The following LGR6 variants were observed in gnomAD, a reference collection of about 807,000 sequenced individuals.
The protein encoded by LGR6 is leucine rich repeat containing G protein-coupled receptor 6.
Under a neutral mutation model 69.4 loss-of-function variants are expected in LGR6, and 45 were observed. That is an observed-to-expected ratio of 0.65 (90% CI 0.51 to 0.83). LGR6 has a LOEUF of 0.83. LGR6 is among the 40% of genes least tolerant of loss of function. The pLI is 0.00. For missense variants in LGR6, 1,108 were observed against 1,246.7 expected, an observed-to-expected ratio of 0.89 and a Z score of 1.68; for synonymous variants, 538 against 555.0, an observed-to-expected ratio of 0.97 and a Z score of 0.43.
At chr1:202,310,596 A>G (rs1051164095) in intron 16 of LGR6, among the ~76,000 whole-genome samples, 1 of 152,100 alleles carries the variant, frequency 6.6e-6, no homozygotes, top group Non-Finnish European at 1.5e-5. Flanking sequence ...GGCTGTGGCA[A>G]TGTCTCATCT....
chr1:202,205,048 C>T (rs1288190784), intron 1 of LGR6, among the ~76,000 whole-genome samples: 1 of 111,670 alleles, frequency 9.0e-6, no homozygotes, highest in Non-Finnish European at 1.9e-5. Context: ...ACACACACAC[C>T]TCCAAACACA....
At chr1:202,289,740 A>T (rs934088005) in intron 6 of LGR6, among the ~76,000 whole-genome samples, 1 of 152,134 alleles carries the variant, frequency 6.6e-6, no homozygotes, top group Non-Finnish European at 1.5e-5. Flanking sequence ...CATATTTAGG[A>T]CAGAGGCTCT....
At chr1:202,314,578 A>G (rs1653996250) in intron 16 of LGR6, among the ~76,000 whole-genome samples, 1 of 152,326 alleles carries the variant, frequency 6.6e-6, no homozygotes, top group Non-Finnish European at 1.5e-5. Flanking sequence ...TCTAGGTGAA[A>G]TGTTTGCTGT....
rs563509318 is a variant in LGR6, at chr1:202,265,989, A to G, written c.429-10317A>G. The stretch of plus-strand genomic sequence containing the variant: ...CCCACCTCTATCGACCATCTTTCCC[A>G]GCTCCTCATCTCTCTGGTCCAAAGC... On this transcript the variant is annotated intron_variant, in intron 4 of 17. Transcript: ENST00000367278. Among the ~76,000 whole-genome samples, 10 of 152,222 alleles carry G rather than the reference A, an allele frequency of 6.6e-5. No individual in the cohort carries two copies. The South Asian group carries it at 2.1e-3, about 32-fold the overall frequency.
At chr1:202,234,786 C>G (rs373671599) in intron 3 of LGR6, among the ~76,000 whole-genome samples, 1 of 152,190 alleles carries the variant, frequency 6.6e-6, no homozygotes, top group African/African-American at 2.4e-5. Flanking sequence ...AATTGGGCTA[C>G]TCTTCCTGAA....
chr1:202,304,351 C>T (rs886250262), intron 10 of LGR6, among the ~76,000 whole-genome samples: 8 of 152,176 alleles, frequency 5.3e-5, no homozygotes, highest in Non-Finnish European at 1.0e-4. Context: ...CCCAGCTCCT[C>T]TAGGCCCAAG....
intron 16 of LGR6, 124 bp from the exon 17 acceptor site, chr1:202,314,678 C>G: frequency 1.4e-6 from 1 of 695,666 alleles, no homozygotes; most frequent in Non-Finnish European, 2.6e-6. Context: ...TGCCGGGTTG[C>G]TAGAATGAAC....
intron 8 of LGR6, 59 bp from the exon 9 acceptor site, chr1:202,301,105 T>C: frequency 6.6e-7 from 1 of 1,523,276 alleles, no homozygotes; most frequent in Non-Finnish European, 9.1e-7. Context: ...GAGATTGGCC[T>C]TAATCCCAGC....
intron 4 of LGR6, among the ~76,000 whole-genome samples, chr1:202,257,187 C>T (rs1472877778): frequency 6.6e-6 from 1 of 151,366 alleles, no homozygotes; most frequent in African/African-American, 2.4e-5. Flanking sequence ...TTATCATATC[C>T]TTTGACATAA....
chr1:202,319,050 A>G lies in LGR6; in HGVS notation c.2747A>G (p.His916Arg), dbSNP rs56400751. The change falls in exon 18 of 18, where the codon CAT (histidine) becomes CGT (arginine). Residue 916 changes from histidine to arginine, a missense_variant. Physicochemically the swap from His to Arg is conservative, Grantham distance 29 (BLOSUM62 0). Transcript: ENST00000367278. ...QPGAPRLEGS[H>R]CVEPEGNHFG... is the part of the protein sequence containing the mutation. The stretch of plus-strand genomic sequence containing the variant: ...GGGGCCCCCAGGCTGGAGGGCAGCC[A>G]TTGTGTAGAGCCAGAGGGGAACCAC... 16 of 1,614,130 alleles carry G rather than the reference A, an allele frequency of 9.9e-6. No individual in the cohort carries two copies. In the East Asian group the frequency reaches 1.3e-4, roughly 13 times the overall value.
At chr1:202,310,084 G>A in intron 15 of LGR6, 113 bp from the exon 16 acceptor site, 1 of 1,071,376 alleles carries the variant, frequency 9.3e-7, no homozygotes, top group Non-Finnish European at 1.4e-6. Flanking sequence ...CTTGGGAGTT[G>A]AAGGACAGAC....
chr1:202,203,739 C>A, intron 1 of LGR6: 3 of 1,501,530 alleles, frequency 2.0e-6, no homozygotes, highest in Non-Finnish European at 1.9e-6. Flanking sequence ...GAGGAGGGAA[C>A]GCTTGTGTCT....
chr1:202,318,820 G>T lies in LGR6; in HGVS notation c.2517G>T (p.Arg839=), dbSNP rs138854476. The T allele has an allele frequency of 6.8e-6, 11 of 1,613,224 alleles. No individual in the cohort carries two copies. The highest frequency in any genetic ancestry group is 6.7e-5 in the African/African-American group (5 of 74,934). The change falls in exon 18 of 18, where the codon CGG becomes CGT. Residue 839 remains arginine (R), a synonymous_variant. Transcript: ENST00000367278. The part of the protein sequence containing the change: ...LFNPHFRDDL[R]RLRPRAGDSG... ...ACCCCCACTTCCGGGATGACCTTCG[G>T]CGGCTTCGGCCCCGCGCAGGGGACT...
chr1:202,261,156 A>G (rs919992409), intron 4 of LGR6, among the ~76,000 whole-genome samples: 1 of 151,936 alleles, frequency 6.6e-6, no homozygotes, highest in Non-Finnish European at 1.5e-5. Context: ...ATATGTATAC[A>G]TGTGCCATGC....
At chr1:202,287,738 C>T (rs1189186606) in intron 6 of LGR6, among the ~76,000 whole-genome samples, 5 of 152,148 alleles carry the variant, frequency 3.3e-5, no homozygotes, top group African/African-American at 1.2e-4. Flanking sequence ...TCCAAGCTGT[C>T]AGCAAACTCC....
intron 4 of LGR6, among the ~76,000 whole-genome samples, chr1:202,257,445 A>T (rs540825308): frequency 2.6e-5 from 4 of 152,276 alleles, no homozygotes; most frequent in African/African-American, 9.6e-5. Context: ...TCTTTAAACC[A>T]TTTTAATTTT....
At chr1:202,315,529 G>A (rs528442332) in intron 17 of LGR6, among the ~76,000 whole-genome samples, 5 of 152,334 alleles carry the variant, frequency 3.3e-5, no homozygotes, top group South Asian at 4.1e-4. Flanking sequence ...AAGTCCCTTC[G>A]CTTGCATATA....
At chr1:202,315,863 A>C (rs1360816564) in intron 17 of LGR6, among the ~76,000 whole-genome samples, 1 of 152,178 alleles carries the variant, frequency 6.6e-6, no homozygotes, top group Admixed American at 6.5e-5. Flanking sequence ...AAAAACACAC[A>C]TGCTGCATTC....
At chr1:202,194,717 G>GGT in intron 1 of LGR6, 16 of 189,204 alleles carry the variant, frequency 8.5e-5, no homozygotes, top group South Asian at 3.3e-4. Context: ...GGGGGGGCGG[G>GGT]TTTCCTAGAA....
Sources: gnomAD v4.1 joint callset for allele counts (sites outside exome capture counted in the v4.1 genomes callset) on GRCh38, gnomAD v4.1.1 for gene constraint, MANE v1.5 for transcripts, NCBI Gene and HGNC (gene_info 2026-07-23, HGNC 2026-07-21) for gene names.